Variants in MED13L observed in about 807,000 individuals in gnomAD.
MED13L encodes the protein mediator of RNA polymerase II transcription subunit 13-like.
A neutral mutation model predicts 220.9 loss-of-function variants in MED13L; 7 were observed. That is an observed-to-expected ratio of 0.03 (90% CI 0.02 to 0.06). The LOEUF (loss-of-function observed/expected upper bound fraction) is 0.06, where lower values mean the gene tolerates loss of function less well. Among genes scored for constraint, MED13L ranks in the 10% least tolerant of loss-of-function variants. The pLI is 1.00. For synonymous variants in MED13L, 1,011 were observed against 1,015.2 expected (o/e 1.00, Z 0.08); for missense variants, 1,965 against 2,760.5 (o/e 0.71, Z 6.46).
At chr12:116,073,372 T>C (rs1870539288) in intron 4 of MED13L, among the ~76,000 whole-genome samples, 1 of 152,176 alleles carries the variant, frequency 6.6e-6, no homozygotes, top group African/African-American at 2.4e-5. Context: ...AGCTCTCTTA[T>C]GAAAACAAGA....
chr12:116,026,892 C>G (rs1880424531), intron 4 of MED13L, among the ~76,000 whole-genome samples: 1 of 152,064 alleles, frequency 6.6e-6, no homozygotes, highest in Admixed American at 6.6e-5. Context: ...GTTAACTAAA[C>G]TATGGTATGT....
At chr12:116,197,908 A>G (rs963554307) in intron 2 of MED13L, among the ~76,000 whole-genome samples, 1 of 152,226 alleles carries the variant, frequency 6.6e-6, no homozygotes, top group Non-Finnish European at 1.5e-5. Context: ...CCAGCAATCC[A>G]TTTCTTTTGT....
At chr12:116,220,116 T>C (rs1433312599) in intron 2 of MED13L, among the ~76,000 whole-genome samples, 9 of 152,076 alleles carry the variant, frequency 5.9e-5, no homozygotes, top group Admixed American at 5.9e-4. Flanking sequence ...TAAAATGATA[T>C]AGCAAAACTA....
rs17498473 is a variant in MED13L at position 116,111,368 on chromosome 12, T to C, written c.395+60A>G. 43,464 of 1,338,510 alleles carry C rather than the reference T, an allele frequency of 0.032. 1,692 individuals carry two copies. Among genetic ancestry groups the C allele is most frequent in the South Asian group, 0.15 (13,091 of 84,466 alleles). 82.9% of individuals were successfully genotyped at this position (1,338,510 alleles called of 1,614,324 possible). On this transcript the variant is annotated intron_variant, in intron 3 of 30. Coordinates refer to ENST00000281928, the MANE Select transcript of MED13L (RefSeq NM_015335.5). ...AGTTTTTGAAAATTACAGGAAACTC[T>C]CGGTATCTAGCAATATACTTGGTTG...
At chr12:116,110,976 G>T (rs183608417) in intron 3 of MED13L, among the ~76,000 whole-genome samples, 2 of 152,286 alleles carry the variant, frequency 1.3e-5, no homozygotes, top group East Asian at 3.9e-4. Flanking sequence ...ATCTTAGGAG[G>T]TTAAGCTATA....
intron 1 of MED13L, among the ~76,000 whole-genome samples, chr12:116,271,163 C>T (rs1162557792): frequency 1.3e-5 from 2 of 151,076 alleles, no homozygotes; most frequent in East Asian, 1.9e-4. Flanking sequence ...AATACTGATT[C>T]GCTAATTCTG....
At chr12:116,272,371 A>G (rs1873446101) in intron 1 of MED13L, among the ~76,000 whole-genome samples, 2 of 151,898 alleles carry the variant, frequency 1.3e-5, no homozygotes, top group African/African-American at 4.8e-5. Flanking sequence ...GAGCAGCCTG[A>G]CCAACATGGC....
chr12:116,118,130 C>T (rs1040152823), intron 2 of MED13L, among the ~76,000 whole-genome samples: 8 of 152,078 alleles, frequency 5.3e-5, no homozygotes, highest in African/African-American at 1.4e-4. Flanking sequence ...TTTTTAAATG[C>T]TAAAAATTAT....
chr12:116,276,684 G>A (rs1035521541), intron 1 of MED13L: 3 of 1,184,612 alleles, frequency 2.5e-6, no homozygotes, highest in African/African-American at 3.3e-5. Context: ...AGGCGCGGCA[G>A]CACAAGGCAA....
chr12:116,114,689 ACTGT>A (rs1299622363), intron 2 of MED13L, among the ~76,000 whole-genome samples: 2 of 152,320 alleles, frequency 1.3e-5, no homozygotes, highest in South Asian at 2.1e-4. Flanking sequence ...ATATGACACG[ACTGT>A]CTATCAGAAA....
chr12:116,111,573 GA>G, intron 2 of MED13L, 61 bp from the exon 3 acceptor site: 1 of 1,321,958 alleles, frequency 7.6e-7, no homozygotes, highest in Non-Finnish European at 1.0e-6. Context: ...CAAATAAAAA[GA>G]AACTTTTAAA....
intron 2 of MED13L, among the ~76,000 whole-genome samples, chr12:116,126,936 T>C (rs1372049186): frequency 6.6e-6 from 1 of 152,178 alleles, no homozygotes; most frequent in African/African-American, 2.4e-5. Flanking sequence ...CTAAATCAGT[T>C]TGATAGGCAG....
chr12:116,005,641 C>T (rs1051528915), intron 13 of MED13L, among the ~76,000 whole-genome samples: 1 of 152,068 alleles, frequency 6.6e-6, no homozygotes, highest in African/African-American at 2.4e-5. Context: ...GAACAAAACT[C>T]GAGGTGGATA....
intron 24 of MED13L, 33 bp downstream of exon 24, chr12:115,975,482 T>C: frequency 6.2e-7 from 1 of 1,604,690 alleles, no homozygotes; most frequent in Non-Finnish European, 8.5e-7. Context: ...ACAGCATTAA[T>C]TTACATGCAC....
In MED13L at chr12:116,019,865, T is replaced by C. The variant is rs936852138; in HGVS notation, c.733A>G (p.Met245Val). 5.0e-6 allele frequency: 8 copies of C among 1,613,956 alleles called. No homozygotes were observed. Among genetic ancestry groups the C allele is most frequent in the Non-Finnish European group, 6.8e-6 (8 of 1,179,948 alleles). The stretch of plus-strand genomic sequence containing the variant: ...GATTCTTCTTTCTTTTTTAGCACCA[T>C]CGGGTAGAAATACTGCCATTCCTCA... ...LIEEWQYFYP[M>V]VLKKKEESKE... The change falls in exon 6 of 31, where the codon ATG becomes GTG. Residue 245 changes from methionine (M) to valine (V), a missense_variant. Physicochemically the swap from Met to Val is conservative, Grantham distance 21. This residue lies in a region of MED13L where 818 missense variants were observed against 1,041.2 expected (regional missense o/e 0.79). Coordinates refer to ENST00000281928, the MANE Select transcript of MED13L (RefSeq NM_015335.5).
chr12:116,006,417 T>C lies in MED13L; in HGVS notation c.2239-6A>G. 1.9e-6 allele frequency: 3 copies of C among 1,612,218 alleles called. No individual in the cohort carries two copies. On this transcript the variant is annotated splice_polypyrimidine_tract_variant and splice_region_variant and intron_variant, in intron 11 of 30. Coordinates refer to ENST00000281928, the MANE Select transcript of MED13L (RefSeq NM_015335.5). ...GTACCAAATCCATCCTCTGACTGTA[T>C]AATAAATTCAGCCAAACAAAACACA...
intron 2 of MED13L, among the ~76,000 whole-genome samples, chr12:116,114,880 G>A (rs1874381916): frequency 6.6e-6 from 1 of 151,930 alleles, no homozygotes; most frequent in South Asian, 2.1e-4. Flanking sequence ...TAAAATCCTT[G>A]GGTATAAATC....
chr12:116,197,013 G>T (rs1310953037), intron 2 of MED13L, among the ~76,000 whole-genome samples: 1 of 152,164 alleles, frequency 6.6e-6, no homozygotes, highest in South Asian at 2.1e-4. Flanking sequence ...ACCATATTAA[G>T]TCTGAAAACA....
intron 23 of MED13L, among the ~76,000 whole-genome samples, chr12:115,978,899 A>G (rs779299082): frequency 6.6e-6 from 1 of 152,226 alleles, no homozygotes; most frequent in Admixed American, 6.5e-5. Flanking sequence ...TAAAAACTAT[A>G]AATTCTTTCA....
Sources: allele counts gnomAD v4.1 joint callset (sites outside exome capture counted in the v4.1 genomes callset), GRCh38; gene constraint gnomAD v4.1.1; regional missense constraint gnomAD v4.1.1; transcripts MANE v1.5; gene names NCBI Gene and HGNC (gene_info 2026-07-23, HGNC 2026-07-21).